The following WRN variants were observed in gnomAD, a reference collection of about 807,000 sequenced individuals.
The protein encoded by WRN is bifunctional 3'-5' exonuclease/ATP-dependent helicase WRN.
A neutral mutation model predicts 180.7 loss-of-function variants in WRN; 149 were observed. The observed-to-expected ratio is 0.82, with a 90% CI of 0.72 to 0.94. The LOEUF is 0.94. Ranked by LOEUF, WRN falls within the 40% of genes least tolerant of loss-of-function variation. WRN has a pLI of 0.00. For synonymous variants in WRN, 548 were observed against 568.9 expected (o/e 0.96, Z 0.52); for missense variants, 1,661 against 1,700.1 (o/e 0.98, Z 0.40).
chr8:31,049,384 T>G (rs1281789077), intron 1 of WRN, among the ~76,000 whole-genome samples: 1 of 141,368 alleles, frequency 7.1e-6, no homozygotes, highest in African/African-American at 2.6e-5. Context: ...ATACAAAAAT[T>G]AGCTGGGCAT....
chr8:31,070,459 A>G (rs1323058955), intron 7 of WRN, among the ~76,000 whole-genome samples: 2 of 152,008 alleles, frequency 1.3e-5, no homozygotes, highest in South Asian at 2.1e-4. Context: ...ACCAAATGAT[A>G]TAGTAGTTAA....
intron 1 of WRN, among the ~76,000 whole-genome samples, chr8:31,057,401 G>C (rs1422736830): frequency 6.6e-6 from 1 of 151,708 alleles, no homozygotes; most frequent in African/African-American, 2.4e-5. Flanking sequence ...AAACCCCGTC[G>C]CTACTAAAAC....
chr8:31,139,302 A>G (rs960053809), intron 24 of WRN, among the ~76,000 whole-genome samples: 8 of 152,220 alleles, frequency 5.3e-5, no homozygotes, highest in African/African-American at 1.9e-4. Flanking sequence ...TAGGATATAT[A>G]TGAAATGTAA....
At position 31,124,532 on chromosome 8, in the gene WRN, A is replaced by C. The variant is rs201958640; in HGVS notation, c.2641A>C (p.Thr881Pro). The C allele has an allele frequency of 6.2e-7, 1 of 1,612,234 alleles. No individual in the cohort carries two copies. Among genetic ancestry groups the C allele is most frequent in the Non-Finnish European group, 8.5e-7 (1 of 1,178,640 alleles). The change falls in exon 22 of 35, where the codon ACT (threonine) becomes CCT (proline). Residue 881 changes from threonine (T) to proline (P), a missense_variant. Thr to Pro is a conservative substitution (Grantham distance 38). This residue lies in a region of WRN where 1,141 missense variants were observed against 1,149.4 expected (regional missense o/e 0.99). Transcript: ENST00000298139. ...ADINLNRHLL[T>P]EIRNEKFRLY... ...GTTTTTAATCGACAGGCACCTTCTT[A>C]CTGAGATACGTAATGAGAAGTTTCG...
chr8:31,059,768 C>T (rs1563327048), intron 3 of WRN, among the ~76,000 whole-genome samples: 1 of 152,056 alleles, frequency 6.6e-6, no homozygotes, highest in Non-Finnish European at 1.5e-5. Context: ...TCTAACTAAA[C>T]ATTAGAGGCC....
intron 16 of WRN, among the ~76,000 whole-genome samples, chr8:31,095,958 A>G (rs910311700): frequency 6.6e-6 from 1 of 152,214 alleles, no homozygotes; most frequent in African/African-American, 2.4e-5. Context: ...TATCGAAACA[A>G]TTAGCTGTCT....
At chr8:31,108,364 T>C (rs1801174679) in intron 18 of WRN, among the ~76,000 whole-genome samples, 1 of 152,208 alleles carries the variant, frequency 6.6e-6, no homozygotes, top group Admixed American at 6.5e-5. Context: ...TTTTTAAGCT[T>C]CACTCTAGTT....
At chr8:31,090,762 A>G in intron 14 of WRN, 72 bp from the exon 15 acceptor site, 1 of 1,310,748 alleles carries the variant, frequency 7.6e-7, no homozygotes, top group South Asian at 1.3e-5. Context: ...GTAAAAAGAA[A>G]TGAAAGCATC....
intron 28 of WRN, among the ~76,000 whole-genome samples, chr8:31,145,937 G>A (rs188061882): frequency 8.4e-4 from 128 of 151,998 alleles, no homozygotes; most frequent in Non-Finnish European, 1.3e-3. Flanking sequence ...AGTGAGCAGG[G>A]TGCTTATATA....
Position 31,142,611 on chromosome 8 carries a change from T to G in WRN, c.3234-15T>G. The stretch of plus-strand genomic sequence containing the variant: ...ATCTTAACATTTGAAATAATTTAAT[T>G]TTATTATTTTTTAGTTCGAAAACTG... On this transcript the variant is annotated splice_polypyrimidine_tract_variant and intron_variant, in intron 26 of 34. Coordinates refer to ENST00000298139, the MANE Select transcript of WRN (RefSeq NM_000553.6). 6.4e-7 allele frequency: 1 copy of G among 1,568,854 alleles called. No individual in the cohort carries two copies. The highest frequency in any genetic ancestry group is 8.7e-7 in the Non-Finnish European group (1 of 1,151,264).
intron 12 of WRN, among the ~76,000 whole-genome samples, chr8:31,088,647 C>CA (rs1813628201): frequency 6.6e-6 from 1 of 151,948 alleles, no homozygotes; most frequent in Admixed American, 6.6e-5. Flanking sequence ...TCTAAAACAT[C>CA]AGTTTTTTTT....
intron 18 of WRN, among the ~76,000 whole-genome samples, chr8:31,110,837 C>A (rs1801283128): frequency 6.6e-6 from 1 of 151,972 alleles, no homozygotes; most frequent in African/African-American, 2.4e-5. Context: ...GAAATAATAC[C>A]ATAGTTAAGT....
rs1473723135 is a variant in WRN, at chr8:31,111,925, G to A, written c.2273+126G>A. 8.8e-6 allele frequency: 11 copies of A among 1,243,862 alleles called. No individual in the cohort carries two copies. In the African/African-American group the frequency reaches 1.2e-4, roughly 14 times the overall value. 77.1% of individuals were successfully genotyped at this position (1,243,862 alleles called of 1,614,324 possible). ...TTTAACATATTTCAAATTCCACCTA[G>A]TTTTGGTTCAAGTCAAGCATGATGT... On this transcript the variant is annotated intron_variant, in intron 19 of 34. Transcript: ENST00000298139.
In WRN at chr8:31,100,942, CAG is replaced by C; in HGVS notation, c.2076_2077del (p.Ala693ThrfsTer38). The stretch of plus-strand genomic sequence containing the variant: ...TTCAGGAAGTTGGGCTCCCTAAAGA[CAG>C]CACTGCCAATGGTAAGCTTTGCCAA... On this transcript the variant is annotated frameshift_variant, in exon 18 of 35. Coordinates refer to ENST00000298139, the MANE Select transcript of WRN (RefSeq NM_000553.6). LOFTEE classifies it high-confidence loss of function. 6.2e-7 allele frequency: 1 copy of C among 1,613,722 alleles called. No homozygotes were observed. The highest frequency in any genetic ancestry group is 8.5e-7 in the Non-Finnish European group (1 of 1,179,760).
At chr8:31,143,760 G>A in intron 28 of WRN, 137 bp downstream of exon 28, 1 of 620,366 alleles carries the variant, frequency 1.6e-6, no homozygotes. Context: ...TTCAGTATTA[G>A]AATGATCAAA....
chr8:31,084,412 T>C (rs1813444447), intron 10 of WRN, among the ~76,000 whole-genome samples: 2 of 152,188 alleles, frequency 1.3e-5, no homozygotes, highest in African/African-American at 4.8e-5. Context: ...AAAATAACTT[T>C]TTTTTAAAAA....
intron 22 of WRN, 81 bp from the exon 23 acceptor site, chr8:31,124,827 T>C (rs1354367946): frequency 1.4e-5 from 19 of 1,387,088 alleles, no homozygotes; most frequent in Middle Eastern, 2.1e-4. Context: ...TTAATGGTGA[T>C]TTTACCTCAT....
At chr8:31,114,598 T>C (rs1801441261) in intron 19 of WRN, among the ~76,000 whole-genome samples, 1 of 152,208 alleles carries the variant, frequency 6.6e-6, no homozygotes, top group African/African-American at 2.4e-5. Context: ...TCCAATTTTC[T>C]AATTCCGTAC....
chr8:31,150,097 T>C (rs1803058614), intron 30 of WRN, among the ~76,000 whole-genome samples: 1 of 152,238 alleles, frequency 6.6e-6, no homozygotes, highest in African/African-American at 2.4e-5. Context: ...CAATGTCCTG[T>C]TTACCAATTA....
Sources: allele counts gnomAD v4.1 joint callset (sites outside exome capture counted in the v4.1 genomes callset), GRCh38; gene constraint gnomAD v4.1.1; regional missense constraint gnomAD v4.1.1; transcripts MANE v1.5; gene names NCBI Gene and HGNC (gene_info 2026-07-23, HGNC 2026-07-21).